CNTNAP2: variants seen among roughly 807,000 people sequenced by gnomAD.
CNTNAP2 encodes contactin associated protein 2, also known as contactin-associated protein-like 2.
Under a neutral mutation model 155.2 loss-of-function variants are expected in CNTNAP2, and 98 were observed. The observed-to-expected ratio is 0.63, with a 90% confidence interval of 0.54 to 0.75. The LOEUF is 0.75. CNTNAP2 is among the 30% of genes least tolerant of loss of function. CNTNAP2 has a pLI of 0.00. For synonymous variants in CNTNAP2, 651 were observed against 631.2 expected, an observed-to-expected ratio of 1.03 and a Z score of -0.47; for missense variants, 1,727 against 1,688.1, an observed-to-expected ratio of 1.02 and a Z score of -0.40.
chr7:147,006,092 A>G lies in CNTNAP2; in HGVS notation c.403-37815A>G, dbSNP rs138359115. Among the ~76,000 whole-genome samples the G allele has an allele frequency of 9.7e-3, 1,476 of 152,220 alleles. 6 individuals are homozygous for G. The highest frequency in any genetic ancestry group is 0.014 in the Non-Finnish European group (944 of 68,004). ...ACTAAAACTAAATAGAAATTTATTA[A>G]CATGCACACCATGCACATGCATGTA... On this transcript the variant is annotated intron_variant, in intron 3 of 23. Transcript: ENST00000361727.
At chr7:148,033,970 T>C (rs1209750424) in intron 15 of CNTNAP2, among the ~76,000 whole-genome samples, 1 of 151,946 alleles carries the variant, frequency 6.6e-6, no homozygotes, top group Non-Finnish European at 1.5e-5. Context: ...AGAGAAAGCA[T>C]TCACCGTGAC....
At chr7:148,175,069 C>T (rs966331567) in intron 18 of CNTNAP2, among the ~76,000 whole-genome samples, 3 of 152,084 alleles carry the variant, frequency 2.0e-5, no homozygotes, top group African/African-American at 7.2e-5. Context: ...CATCCATGAC[C>T]CTGCAAAAGA....
At chr7:146,142,324 C>T (rs1797892660) in intron 1 of CNTNAP2, among the ~76,000 whole-genome samples, 5 of 152,280 alleles carry the variant, frequency 3.3e-5, no homozygotes, top group Non-Finnish European at 4.4e-5. Flanking sequence ...TTCACAACTT[C>T]GTGGACAGCA....
intron 9 of CNTNAP2, among the ~76,000 whole-genome samples, chr7:147,328,891 A>C (rs968315406): frequency 6.6e-6 from 1 of 152,154 alleles, no homozygotes; most frequent in Non-Finnish European, 1.5e-5. Flanking sequence ...CTTTGGCAAA[A>C]TCTGTAGTTG....
intron 14 of CNTNAP2, among the ~76,000 whole-genome samples, chr7:147,933,523 A>AGAT (rs1800547222): frequency 6.6e-6 from 1 of 151,940 alleles, no homozygotes; most frequent in South Asian, 2.1e-4. Context: ...ATAGATAGAT[A>AGAT]GATAGATAGA....
At chr7:147,914,540 A>C (rs1800124600) in intron 14 of CNTNAP2, among the ~76,000 whole-genome samples, 1 of 148,656 alleles carries the variant, frequency 6.7e-6, no homozygotes, top group Non-Finnish European at 1.5e-5. Flanking sequence ...AACTCCATCT[A>C]ACCAAAAAAA....
chr7:146,400,114 C>T (rs1367851494), intron 1 of CNTNAP2, among the ~76,000 whole-genome samples: 3 of 152,080 alleles, frequency 2.0e-5, no homozygotes, highest in Admixed American at 2.0e-4. Flanking sequence ...TCCCTCCCTC[C>T]CTCCATCCCT....
intron 1 of CNTNAP2, among the ~76,000 whole-genome samples, chr7:146,491,789 T>C (rs1022967479): frequency 6.6e-6 from 1 of 152,176 alleles, no homozygotes; most frequent in Non-Finnish European, 1.5e-5. Context: ...GAATTAGAAA[T>C]TGTGGGGTCA....
At chr7:147,127,319 A>G (rs1801260589) in intron 6 of CNTNAP2, among the ~76,000 whole-genome samples, 1 of 151,652 alleles carries the variant, frequency 6.6e-6, no homozygotes, top group Non-Finnish European at 1.5e-5. Flanking sequence ...TGTGTGGCAA[A>G]TAATACATAT....
At chr7:147,939,811 C>T (rs1800684114) in intron 14 of CNTNAP2, among the ~76,000 whole-genome samples, 1 of 152,114 alleles carries the variant, frequency 6.6e-6, no homozygotes, top group Non-Finnish European at 1.5e-5. Context: ...CTCACACACA[C>T]ACCCCCCAGC....
chr7:146,360,155 T>C (rs1795062002), intron 1 of CNTNAP2, among the ~76,000 whole-genome samples: 1 of 152,228 alleles, frequency 6.6e-6, no homozygotes. Flanking sequence ...TTCTATTTTC[T>C]TTCCAGTGTT....
chr7:147,464,506 C>A (rs1798081017), intron 10 of CNTNAP2, among the ~76,000 whole-genome samples: 1 of 150,768 alleles, frequency 6.6e-6, no homozygotes, highest in South Asian at 2.1e-4. Context: ...TGTTTGTGCC[C>A]AAGTCCTGAC....
intron 1 of CNTNAP2, among the ~76,000 whole-genome samples, chr7:146,528,976 A>G (rs1361594171): frequency 6.6e-6 from 1 of 152,196 alleles, no homozygotes; most frequent in Non-Finnish European, 1.5e-5. Context: ...AAATCTAAGA[A>G]AAGATTAAAG....
intron 15 of CNTNAP2, among the ~76,000 whole-genome samples, chr7:148,044,188 A>G (rs1477614505): frequency 1.3e-5 from 2 of 148,982 alleles, no homozygotes; most frequent in East Asian, 4.0e-4. Context: ...CTTGTTAATT[A>G]TGTTACCTTA....
chr7:147,950,360 G>T (rs922534743), intron 14 of CNTNAP2, among the ~76,000 whole-genome samples: 1 of 64,816 alleles, frequency 1.5e-5, no homozygotes. Context: ...TACACATAGA[G>T]AGGCAAAAAA....
chr7:147,773,479 A>C (rs1221146024), intron 13 of CNTNAP2, among the ~76,000 whole-genome samples: 2 of 152,150 alleles, frequency 1.3e-5, no homozygotes, highest in African/African-American at 4.8e-5. Flanking sequence ...CTAGTAAAAC[A>C]AAAACAAAAA....
intron 2 of CNTNAP2, among the ~76,000 whole-genome samples, chr7:146,810,303 T>G (rs542313121): frequency 6.6e-6 from 1 of 151,518 alleles, no homozygotes; most frequent in Non-Finnish European, 1.5e-5. Flanking sequence ...AGCTTTCTTT[T>G]TTTTTTTTTT....
intron 3 of CNTNAP2, among the ~76,000 whole-genome samples, chr7:146,896,584 A>T (rs926241309): frequency 2.0e-5 from 3 of 152,058 alleles, no homozygotes; most frequent in Non-Finnish European, 4.4e-5. Flanking sequence ...TGATCAACAA[A>T]CCAGGCAATA....
chr7:146,690,241 C>T (rs1800674591), intron 1 of CNTNAP2, among the ~76,000 whole-genome samples: 1 of 152,120 alleles, frequency 6.6e-6, no homozygotes, highest in Admixed American at 6.6e-5. Flanking sequence ...ACAAACTTTG[C>T]TGCTAGGCCT....
Sources: allele counts gnomAD v4.1 joint callset (sites outside exome capture counted in the v4.1 genomes callset), GRCh38; gene constraint gnomAD v4.1.1; transcripts MANE v1.5; gene names NCBI Gene and HGNC (gene_info 2026-07-23, HGNC 2026-07-21).